LSAMP: variants seen among roughly 807,000 people sequenced by gnomAD.
The protein encoded by LSAMP is limbic system associated membrane protein.
LSAMP carries 7 observed loss-of-function variants against 38.6 expected under a neutral mutation model. The observed-to-expected ratio is 0.18, with a 90% CI of 0.10 to 0.34. The LOEUF is 0.34. Among genes scored for constraint, LSAMP ranks in the 10% least tolerant of loss-of-function variants. The probability of loss-of-function intolerance (pLI) is 1.00; values close to 1 mark genes in which losing one functional copy is unlikely to be tolerated. For synonymous variants in LSAMP, 154 were observed against 166.8 expected (o/e 0.92, Z 0.59); for missense variants, 313 against 420.0 (o/e 0.75, Z 2.23).
chr3:116,363,839 T>G (rs1185285023), intron 1 of LSAMP, among the ~76,000 whole-genome samples: 1 of 145,240 alleles, frequency 6.9e-6, no homozygotes, highest in Non-Finnish European at 1.5e-5. Flanking sequence ...TCTCAATAAA[T>G]TAGGTATTGA....
At chr3:115,893,634 A>G (rs1308167671) in intron 3 of LSAMP, among the ~76,000 whole-genome samples, 1 of 152,048 alleles carries the variant, frequency 6.6e-6, no homozygotes, top group Non-Finnish European at 1.5e-5. Flanking sequence ...GCTCTATAAA[A>G]TATTATAAAA....
At chr3:116,244,494 C>A (rs562137044) in intron 1 of LSAMP, among the ~76,000 whole-genome samples, 2 of 152,262 alleles carry the variant, frequency 1.3e-5, no homozygotes, top group African/African-American at 4.8e-5. Flanking sequence ...GATTGGAACC[C>A]GTTCCTGTGT....
chr3:116,241,023 A>G (rs1468745650), intron 1 of LSAMP, among the ~76,000 whole-genome samples: 3 of 151,974 alleles, frequency 2.0e-5, no homozygotes. Flanking sequence ...TAAAAATACA[A>G]ACAATTAGCC....
At chr3:116,398,195 C>T (rs1342079224) in intron 1 of LSAMP, among the ~76,000 whole-genome samples, 1 of 151,912 alleles carries the variant, frequency 6.6e-6, no homozygotes, top group Non-Finnish European at 1.5e-5. Context: ...TCTAATATTA[C>T]TATACAGTCC....
At chr3:116,409,321 A>T (rs1156684809) in intron 1 of LSAMP, among the ~76,000 whole-genome samples, 1 of 152,024 alleles carries the variant, frequency 6.6e-6, no homozygotes, top group Non-Finnish European at 1.5e-5. Context: ...GCTGAGGGAC[A>T]TCTCAAGGAG....
chr3:116,158,231 A>G (rs1243487324), intron 1 of LSAMP, among the ~76,000 whole-genome samples: 1 of 152,178 alleles, frequency 6.6e-6, no homozygotes, highest in Non-Finnish European at 1.5e-5. Flanking sequence ...ATCTATGACA[A>G]ACCCACAGCC....
Position 115,841,998 on chromosome 3 carries a change from G to T in LSAMP, c.771-5C>A. 2 of 1,606,626 alleles carry T rather than the reference G, an allele frequency of 1.2e-6. No individual in the cohort carries two copies. The highest frequency in any genetic ancestry group is 1.7e-6 in the Non-Finnish European group (2 of 1,178,058). ...AGGCCATTGGCACTATTTATCCTAAGAGTTCAAAAACAGAAGAATAGAAAG... is the reference window on the plus strand; with the variant it reads ...AGGCCATTGGCACTATTTATCCTAATAGTTCAAAAACAGAAGAATAGAAAG... On this transcript the variant is annotated splice_region_variant and splice_polypyrimidine_tract_variant and intron_variant, in intron 5 of 6. Coordinates refer to ENST00000490035, the MANE Select transcript of LSAMP (RefSeq NM_002338.5).
chr3:116,093,156 G>A (rs1576358188), intron 1 of LSAMP, among the ~76,000 whole-genome samples: 2 of 152,160 alleles, frequency 1.3e-5, no homozygotes, highest in Admixed American at 1.3e-4. Context: ...TTAGATAAGT[G>A]GTCCCAAGTG....
intron 2 of LSAMP, among the ~76,000 whole-genome samples, chr3:116,053,957 G>A (rs1941442463): frequency 6.6e-6 from 1 of 152,128 alleles, no homozygotes; most frequent in Non-Finnish European, 1.5e-5. Context: ...TTCAGTTATA[G>A]TCAATTAACT....
At chr3:116,026,216 T>C (rs1940788415) in intron 2 of LSAMP, among the ~76,000 whole-genome samples, 1 of 152,166 alleles carries the variant, frequency 6.6e-6, no homozygotes, top group Non-Finnish European at 1.5e-5. Flanking sequence ...CATGACACAG[T>C]CAGTCTGGCT....
chr3:116,012,136 C>A (rs986590137), intron 3 of LSAMP, among the ~76,000 whole-genome samples: 2 of 152,174 alleles, frequency 1.3e-5, no homozygotes, highest in African/African-American at 4.8e-5. Flanking sequence ...GGTTAACTCC[C>A]AAATAAATCT....
At chr3:116,347,347 T>A (rs9822049) in intron 1 of LSAMP, among the ~76,000 whole-genome samples, 1 of 152,122 alleles carries the variant, frequency 6.6e-6, no homozygotes, top group East Asian at 1.9e-4. Flanking sequence ...GTCAAATAAC[T>A]GCTTCAGAAA....
At chr3:116,267,195 TAA>T (rs939393461) in intron 1 of LSAMP, among the ~76,000 whole-genome samples, 4 of 152,048 alleles carry the variant, frequency 2.6e-5, no homozygotes, top group African/African-American at 9.7e-5. Flanking sequence ...ATCCAGAATA[TAA>T]GAGATGCTCA....
In LSAMP at chr3:115,899,880, G is replaced by A. The variant is rs565140901; in HGVS notation, c.515-47263C>T. Among the ~76,000 whole-genome samples the A allele has an allele frequency of 3.9e-5, 6 of 152,244 alleles. 1 individual carries two copies. The highest frequency in any genetic ancestry group is 3.3e-4 in the Admixed American group (5 of 15,290). ...ATTCACATCTAATTTATTTCAGAGG[G>A]ACAGACCCAGTTTCCAAATTGAAAG... On this transcript the variant is annotated intron_variant, in intron 3 of 6. Transcript: ENST00000490035.
chr3:115,839,309 C>CCTTCCTTCCTTCCTTCCTTCCTTCCTTG (rs1934918584), intron 6 of LSAMP, among the ~76,000 whole-genome samples: 1 of 126,726 alleles, frequency 7.9e-6, no homozygotes, highest in East Asian at 2.3e-4. Context: ...TTCCTTCCTT[C>CCTTCCTTCCTTCCTTCCTTCCTTCCTTG]CTTCCTTCCT....
At chr3:116,188,514 C>T (rs1045846223) in intron 1 of LSAMP, among the ~76,000 whole-genome samples, 6 of 152,238 alleles carry the variant, frequency 3.9e-5, no homozygotes, top group African/African-American at 1.2e-4. Flanking sequence ...AAACTGACTC[C>T]ATCCTCTTGA....
chr3:116,334,019 G>A (rs562246456), intron 1 of LSAMP, among the ~76,000 whole-genome samples: 2 of 151,840 alleles, frequency 1.3e-5, no homozygotes, highest in Admixed American at 6.6e-5. Flanking sequence ...TAAGAAAAAA[G>A]AGAAAAGATC....
At chr3:116,014,799 C>T (rs190717374) in intron 3 of LSAMP, among the ~76,000 whole-genome samples, 1 of 152,260 alleles carries the variant, frequency 6.6e-6, no homozygotes. Flanking sequence ...ACAGGTACTT[C>T]TATAATGCAA....
At chr3:116,017,985 C>T (rs906488887) in intron 3 of LSAMP, among the ~76,000 whole-genome samples, 6 of 152,166 alleles carry the variant, frequency 3.9e-5, no homozygotes, top group East Asian at 3.9e-4. Context: ...CCAAGTAGAA[C>T]GTGCTCTGAA....
Sources: gnomAD v4.1 joint callset for allele counts (sites outside exome capture counted in the v4.1 genomes callset) on GRCh38, gnomAD v4.1.1 for gene constraint, MANE v1.5 for transcripts, NCBI Gene and HGNC (gene_info 2026-07-23, HGNC 2026-07-21) for gene names.